PEX3: variants seen among roughly 807,000 people sequenced by gnomAD.
The protein encoded by PEX3 is peroxisomal biogenesis factor 3.
Under a neutral mutation model 55.8 loss-of-function variants are expected in PEX3, and 30 were observed. That is an observed-to-expected ratio of 0.54 (90% CI 0.40 to 0.73). PEX3 has a LOEUF of 0.73. Among genes scored for constraint, PEX3 ranks in the 30% least tolerant of loss-of-function variants. The probability of loss-of-function intolerance (pLI) is 0.00; values close to 1 mark genes in which losing one functional copy is unlikely to be tolerated. For missense variants in PEX3, 351 were observed against 432.8 expected (o/e 0.81, Z 1.68); for synonymous variants, 135 against 148.4 (o/e 0.91, Z 0.66).
In PEX3 at chr6:143,462,988, TA is replaced by T; in HGVS notation, c.284del (p.Asn95ThrfsTer7). ...AATTCCGAGAGCCTCACAGCTCTGC[TA>T]AAAAACAGGTAAATGCAAGTTACAG... is the stretch of plus-strand genomic sequence containing the variant. ...QLNSESLTAL[L>X]KNRPSNKLEI... On this transcript the variant is annotated frameshift_variant, in exon 3 of 12. Coordinates refer to ENST00000367591, the MANE Select transcript of PEX3 (RefSeq NM_003630.3). LOFTEE classifies it high-confidence loss of function. The surrounding 1 kb of genome is among the most constrained non-coding windows in gnomAD (Gnocchi z 4.1). The T allele has an allele frequency of 6.2e-7, 1 of 1,611,782 alleles. No homozygotes were observed. Among genetic ancestry groups the T allele is most frequent in the Non-Finnish European group, 8.5e-7 (1 of 1,177,902 alleles).
chr6:143,456,465 C>G (rs1779846780), intron 1 of PEX3, among the ~76,000 whole-genome samples: 1 of 152,138 alleles, frequency 6.6e-6, no homozygotes. Context: ...GCCTGATTTC[C>G]AAGTACCACA....
In PEX3 at chr6:143,483,618, T is replaced by C. The variant is rs894758290; in HGVS notation, c.942-1534T>C. ...AGATATGGCTGTCATCTGAGAACAC[T>C]GGAAGGCTGCTGGAGAGTTTTGAGC... On this transcript the variant is annotated intron_variant, in intron 10 of 11. Coordinates refer to ENST00000367591, the MANE Select transcript of PEX3 (RefSeq NM_003630.3). The surrounding 1 kb of genome is among the most constrained non-coding windows in gnomAD (Gnocchi z 4.3). Among the ~76,000 whole-genome samples the C allele has an allele frequency of 5.3e-5, 8 of 152,094 alleles. No individual in the cohort carries two copies. The highest frequency in any genetic ancestry group is 1.5e-5 in the Non-Finnish European group (1 of 68,008).
chr6:143,459,005 T>C lies in PEX3; in HGVS notation c.74-80T>C, dbSNP rs1779883162. 3.2e-6 allele frequency: 3 copies of C among 935,256 alleles called. No individual in the cohort carries two copies. Among genetic ancestry groups the C allele is most frequent in the African/African-American group, 1.7e-5 (1 of 60,292 alleles). The allele number at this position is 935,256 out of a possible 1,614,324, so 57.9% of individuals were successfully genotyped here. Reference sequence around the variant, plus strand: ...TAGCTATCCACTAATATAAAACTTATAATTGCATAAAGTAGGTTAAAAATA... The same window carrying C: ...TAGCTATCCACTAATATAAAACTTACAATTGCATAAAGTAGGTTAAAAATA... On this transcript the variant is annotated intron_variant, in intron 1 of 11. Transcript: ENST00000367591. This position sits in a 1 kb window ranked among gnomAD's most constrained non-coding sequence, Gnocchi z 4.2.
chr6:143,488,483 C>T lies in PEX3; in HGVS notation c.1039-660C>T, dbSNP rs1396977707. Among the ~76,000 whole-genome samples, 1 of 151,906 alleles carries T rather than the reference C, an allele frequency of 6.6e-6. No homozygotes were observed. Among genetic ancestry groups the T allele is most frequent in the Admixed American group, 6.6e-5 (1 of 15,238 alleles). On this transcript the variant is annotated intron_variant, in intron 11 of 11. Coordinates refer to ENST00000367591, the MANE Select transcript of PEX3 (RefSeq NM_003630.3). The surrounding 1 kb of genome is among the most constrained non-coding windows in gnomAD (Gnocchi z 4.9). ...ATATAATGAGAGTTCTGATAACTTCCACAACTGTCATATGACATGAAAATG... is the reference window on the plus strand; with the variant it reads ...ATATAATGAGAGTTCTGATAACTTCTACAACTGTCATATGACATGAAAATG...
rs1369757232 is a variant in PEX3 at position 143,466,122 on chromosome 6, G to A, written c.288-2000G>A. On this transcript the variant is annotated intron_variant, in intron 3 of 11. Transcript: ENST00000367591. This position sits in a 1 kb window ranked among gnomAD's most constrained non-coding sequence, Gnocchi z 5.4. ...ACATCCATACAATGGTGTACTACACGTTGGTTAGAAGAGAAAAGTGGCTAC... is the reference window on the plus strand; with the variant it reads ...ACATCCATACAATGGTGTACTACACATTGGTTAGAAGAGAAAAGTGGCTAC... 2.0e-5 allele frequency among the ~76,000 whole-genome samples: 3 copies of A among 152,020 alleles called. No individual in the cohort carries two copies. Among genetic ancestry groups the A allele is most frequent in the Non-Finnish European group, 1.5e-5 (1 of 67,914 alleles).
rs771138471 is a variant in PEX3, at chr6:143,451,006, C to T, written c.-37C>T. On this transcript the variant is annotated 5_prime_UTR_variant, in exon 1 of 12. Transcript: ENST00000367591. The surrounding 1 kb of genome is among the most constrained non-coding windows in gnomAD (Gnocchi z 4.1). Reference sequence around the variant, plus strand: ...AAACAGTTTCCTGGTGAAGCAGTCCCTCACCCCTAGTCAGCCCACACCCCT... The same window carrying T: ...AAACAGTTTCCTGGTGAAGCAGTCCTTCACCCCTAGTCAGCCCACACCCCT... 1.4e-5 allele frequency: 20 copies of T among 1,451,772 alleles called. No homozygotes were observed. Among genetic ancestry groups the T allele is most frequent in the Non-Finnish European group, 1.7e-5 (18 of 1,031,946 alleles). The allele number at this position is 1,451,772 out of a possible 1,614,324, so 89.9% of individuals were successfully genotyped here.
Position 143,471,558 on chromosome 6 carries a change from C to A in PEX3, c.525C>A (p.Gly175=). Residue 175 remains glycine, a splice_region_variant and synonymous_variant, in exon 7 of 12, where the codon GGC becomes GGA. Coordinates refer to ENST00000367591, the MANE Select transcript of PEX3 (RefSeq NM_003630.3). The surrounding 1 kb of genome is among the most constrained non-coding windows in gnomAD (Gnocchi z 5.4). The part of the protein sequence containing the change: ...LSSIQHLLGD[G]LTELITVIKQ... The stretch of plus-strand genomic sequence containing the variant: ...TTAGGTTTGTTTTTTCTTTAATAGG[C>A]CTGACAGAATTGATCACTGTCATTA... 1 of 1,609,660 alleles carries A rather than the reference C, an allele frequency of 6.2e-7. No homozygotes were observed. The highest frequency in any genetic ancestry group is 8.5e-7 in the Non-Finnish European group (1 of 1,176,410).
At position 143,471,073 on chromosome 6, in the gene PEX3, C is replaced by T. The variant is rs1780066743; in HGVS notation, c.444C>T (p.Gly148=). Residue 148 remains glycine (G), a synonymous_variant, in exon 5 of 12, where the codon GGC becomes GGT. Coordinates refer to ENST00000367591, the MANE Select transcript of PEX3 (RefSeq NM_003630.3). This position sits in a 1 kb window ranked among gnomAD's most constrained non-coding sequence, Gnocchi z 5.4. The stretch of plus-strand genomic sequence containing the variant: ...TTTACCTGGATAATGCAGCAGTTGG[C>T]AAAAATGGCACTGTAAGTTTAATAG... ...GYIYLDNAAV[G]KNGTTILAPP... 2.5e-6 allele frequency: 4 copies of T among 1,613,160 alleles called. No homozygotes were observed. The Admixed American group carries it at 6.7e-5, about 27-fold the overall frequency.
At position 143,489,914 on chromosome 6, in the gene PEX3, A is replaced by G. The variant is rs1460277933; in HGVS notation, c.*688A>G. On this transcript the variant is annotated 3_prime_UTR_variant, in exon 12 of 12. Coordinates refer to ENST00000367591, the MANE Select transcript of PEX3 (RefSeq NM_003630.3). The surrounding 1 kb of genome is among the most constrained non-coding windows in gnomAD (Gnocchi z 5.5). ...TGATGCTGTTTACTCACCTAATTAC[A>G]TAGTTTTAATCATTTGTACATAATT... 10 of 152,168 alleles carry G rather than the reference A, an allele frequency of 6.6e-5. No individual in the cohort carries two copies. The highest frequency in any genetic ancestry group is 8.8e-5 in the Non-Finnish European group (6 of 67,988). The allele number at this position is 152,168 out of a possible 1,614,324, so 9.4% of individuals were successfully genotyped here.
chr6:143,468,814 C>CCA (rs1554281458), intron 4 of PEX3, among the ~76,000 whole-genome samples: 3 of 129,000 alleles, frequency 2.3e-5, no homozygotes, highest in East Asian at 2.7e-4. Flanking sequence ...CCCCCCCCCC[C>CCA]ACCCCACGAC....
chr6:143,460,739 C>T (rs899217757), intron 2 of PEX3, among the ~76,000 whole-genome samples: 18 of 151,960 alleles, frequency 1.2e-4, no homozygotes, highest in Middle Eastern at 3.4e-3. Flanking sequence ...TGTTGCATGC[C>T]TGTAATCCCA....
intron 9 of PEX3, among the ~76,000 whole-genome samples, chr6:143,478,741 T>C (rs2128747426): frequency 6.6e-6 from 1 of 152,174 alleles, no homozygotes; most frequent in East Asian, 1.9e-4. Flanking sequence ...TGAAATATCA[T>C]GCTAGAGGAT....
Position 143,462,989 on chromosome 6 carries a change from A to G in PEX3, c.279A>G (p.Leu93=). 6.2e-7 allele frequency: 1 copy of G among 1,611,472 alleles called. No individual in the cohort carries two copies. Among genetic ancestry groups the G allele is most frequent in the Non-Finnish European group, 8.5e-7 (1 of 1,177,622 alleles). The change falls in exon 3 of 12, where the codon CTA becomes CTG. Residue 93 remains leucine (L), a synonymous_variant. Coordinates refer to ENST00000367591, the MANE Select transcript of PEX3 (RefSeq NM_003630.3). This position sits in a 1 kb window ranked among gnomAD's most constrained non-coding sequence, Gnocchi z 4.1. ...QLNSESLTAL[L]KNRPSNKLEI... is the part of the protein sequence containing the mutation. ...ATTCCGAGAGCCTCACAGCTCTGCT[A>G]AAAAACAGGTAAATGCAAGTTACAG...
At chr6:143,470,394 C>T (rs1468804590) in intron 4 of PEX3, among the ~76,000 whole-genome samples, 1 of 152,202 alleles carries the variant, frequency 6.6e-6, no homozygotes, top group Non-Finnish European at 1.5e-5. Flanking sequence ...TCAGTAACAA[C>T]TTCTGTGTTA....
chr6:143,489,053 T>G lies in PEX3; in HGVS notation c.1039-90T>G. 1.1e-6 allele frequency: 1 copy of G among 879,054 alleles called. No homozygotes were observed. Among genetic ancestry groups the G allele is most frequent in the East Asian group, 2.5e-5 (1 of 40,666 alleles). 54.5% of individuals were successfully genotyped at this position (879,054 alleles called of 1,614,324 possible). A position where few individuals can be genotyped will look rare whatever the true frequency, so the allele number is the denominator to read the frequency against. On this transcript the variant is annotated intron_variant, in intron 11 of 11. Transcript: ENST00000367591. This position sits in a 1 kb window ranked among gnomAD's most constrained non-coding sequence, Gnocchi z 5.5. ...GCCTCTTGGCCTTTACCACAAAACT[T>G]AGAGCTGAATTCATCGCTTGATTGC...
rs1396387216 is a variant in PEX3, at chr6:143,483,432, C to CCTAG, written c.942-1719_942-1716dup. On this transcript the variant is annotated intron_variant, in intron 10 of 11. Transcript: ENST00000367591. This position sits in a 1 kb window ranked among gnomAD's most constrained non-coding sequence, Gnocchi z 4.3. The stretch of plus-strand genomic sequence containing the variant: ...AAGATTGGAAGCTATTAAATATGAC[C>CCTAG]CTAGACTACAGTGGGACAGTTGACA... Among the ~76,000 whole-genome samples the CCTAG allele has an allele frequency of 6.6e-6, 1 of 152,054 alleles. No individual in the cohort carries two copies. The highest frequency in any genetic ancestry group is 1.9e-4 in the East Asian group (1 of 5,194).
intron 1 of PEX3, among the ~76,000 whole-genome samples, chr6:143,457,798 T>G (rs1244557128): frequency 6.6e-6 from 1 of 152,232 alleles, no homozygotes; most frequent in East Asian, 1.9e-4. Context: ...CCCAGTGTTC[T>G]GCCCTTGTTT....
Position 143,465,820 on chromosome 6 carries a change from C to T in PEX3, c.288-2302C>T, listed in dbSNP as rs1779983974. Among the ~76,000 whole-genome samples the T allele has an allele frequency of 6.6e-6, 1 of 151,968 alleles. No homozygotes were observed. The highest frequency in any genetic ancestry group is 2.1e-4 in the South Asian group (1 of 4,830). On this transcript the variant is annotated intron_variant, in intron 3 of 11. Coordinates refer to ENST00000367591, the MANE Select transcript of PEX3 (RefSeq NM_003630.3). The surrounding 1 kb of genome is among the most constrained non-coding windows in gnomAD (Gnocchi z 4.7). ...GAGGTAACTGAAACTATAGAGTCTGCTCATTGGCAAAGAAAGACAAGAAGC... is the reference window on the plus strand; with the variant it reads ...GAGGTAACTGAAACTATAGAGTCTGTTCATTGGCAAAGAAAGACAAGAAGC...
In PEX3 at chr6:143,454,369, C is replaced by G. The variant is rs937195841; in HGVS notation, c.73+3254C>G. On this transcript the variant is annotated intron_variant, in intron 1 of 11. Transcript: ENST00000367591. The surrounding 1 kb of genome is among the most constrained non-coding windows in gnomAD (Gnocchi z 4.3). ...GGTGCCCATGCCACACTTTGAGAAC[C>G]ATTGCACTGGAAAAAGTTTTGGAGA... Among the ~76,000 whole-genome samples, 2 of 152,198 alleles carry G rather than the reference C, an allele frequency of 1.3e-5. No individual in the cohort carries two copies. Among genetic ancestry groups the G allele is most frequent in the African/African-American group, 4.8e-5 (2 of 41,442 alleles).
Sources: gnomAD v4.1 joint callset for allele counts (sites outside exome capture counted in the v4.1 genomes callset) on GRCh38, gnomAD v4.1.1 for gene constraint, Gnocchi (gnomAD v3.1) non-coding constraint, MANE v1.5 for transcripts, NCBI Gene and HGNC (gene_info 2026-07-23, HGNC 2026-07-21) for gene names.